The following CDH12 variants were observed in gnomAD, a reference collection of about 807,000 sequenced individuals.
CDH12 encodes the protein cadherin 12.
In CDH12, 41 loss-of-function variants were observed where a neutral mutation model predicts 74.1. The observed-to-expected ratio is 0.55, with a 90% CI of 0.43 to 0.72. The LOEUF (loss-of-function observed/expected upper bound fraction) is 0.72, where lower values mean the gene tolerates loss of function less well. CDH12 is among the 30% of genes least tolerant of loss of function. CDH12 has a pLI of 0.00. For synonymous variants in CDH12, 399 were observed against 355.0 expected (o/e 1.12, Z -1.39); for missense variants, 945 against 977.2 (o/e 0.97, Z 0.44).
intron 4 of CDH12, among the ~76,000 whole-genome samples, chr5:22,207,069 A>T (rs1476928108): frequency 5.3e-5 from 8 of 151,672 alleles, no homozygotes; most frequent in Non-Finnish European, 8.8e-5. Context: ...AAAAAAAAAA[A>T]TTAGCCGGTC....
intron 3 of CDH12, among the ~76,000 whole-genome samples, chr5:22,364,361 C>A (rs760804730): frequency 2.0e-5 from 3 of 151,948 alleles, no homozygotes; most frequent in Non-Finnish European, 2.9e-5. Flanking sequence ...TAAAAAGATG[C>A]CTAGGTGAAT....
At chr5:21,854,180 T>C (rs1231592035) in intron 7 of CDH12, among the ~76,000 whole-genome samples, 2 of 151,662 alleles carry the variant, frequency 1.3e-5, no homozygotes, top group East Asian at 3.9e-4. Context: ...AAATCAATGA[T>C]TTTGGTATTG....
chr5:22,287,460 C>T (rs1293135066), intron 3 of CDH12, among the ~76,000 whole-genome samples: 1 of 151,738 alleles, frequency 6.6e-6, no homozygotes, highest in Non-Finnish European at 1.5e-5. Flanking sequence ...CGCGGTGGCT[C>T]ACGCCTGTAA....
chr5:22,114,614 T>C (rs942759916), intron 4 of CDH12, among the ~76,000 whole-genome samples: 6 of 152,226 alleles, frequency 3.9e-5, no homozygotes, highest in Admixed American at 6.5e-5. Flanking sequence ...GTGTTATTTG[T>C]TGTTTTTAAA....
chr5:22,828,053 T>C (rs903047084), intron 1 of CDH12, among the ~76,000 whole-genome samples: 1 of 152,174 alleles, frequency 6.6e-6, no homozygotes, highest in Non-Finnish European at 1.5e-5. Context: ...TGGAGAAGAC[T>C]ACCGCATTTG....
intron 1 of CDH12, among the ~76,000 whole-genome samples, chr5:22,804,557 C>T (rs1748690038): frequency 6.6e-6 from 1 of 152,176 alleles, no homozygotes; most frequent in African/African-American, 2.4e-5. Flanking sequence ...CCTCTGGCAG[C>T]ATTTGATGCC....
In CDH12 at chr5:22,730,309, A is replaced by G. The variant is rs185148331; in HGVS notation, c.-523+122749T>C. 1.7e-4 allele frequency among the ~76,000 whole-genome samples: 26 copies of G among 151,972 alleles called. 1 individual carries two copies. Among genetic ancestry groups the G allele is most frequent in the Admixed American group, 1.4e-3 (22 of 15,200 alleles). On this transcript the variant is annotated intron_variant, in intron 1 of 14. Transcript: ENST00000382254. ...GATATTTAGAAAATAATTTAAGAGG[A>G]TAAGACCCAATCATGTCCAAAACAA...
At chr5:22,490,757 T>A (rs1321764879) in intron 2 of CDH12, among the ~76,000 whole-genome samples, 2 of 152,172 alleles carry the variant, frequency 1.3e-5, no homozygotes, top group Non-Finnish European at 1.5e-5. Context: ...ATTTAGTTGA[T>A]AAGTAAGTCT....
intron 5 of CDH12, among the ~76,000 whole-genome samples, chr5:22,034,227 G>A (rs907192116): frequency 6.6e-6 from 1 of 152,118 alleles, no homozygotes; most frequent in Non-Finnish European, 1.5e-5. Context: ...TAGAGACCAG[G>A]TTTTGCCATG....
chr5:22,390,668 G>T (rs935422606), intron 3 of CDH12, among the ~76,000 whole-genome samples: 7 of 151,868 alleles, frequency 4.6e-5, no homozygotes, highest in Admixed American at 2.6e-4. Flanking sequence ...TAACAAAATC[G>T]CATCTCTAGG....
intron 1 of CDH12, among the ~76,000 whole-genome samples, chr5:22,648,674 T>G (rs1202218493): frequency 1.3e-5 from 2 of 151,912 alleles, no homozygotes; most frequent in African/African-American, 4.8e-5. Flanking sequence ...CAAACATATG[T>G]TCATTATATT....
chr5:22,526,796 G>C (rs1377608521), intron 1 of CDH12, among the ~76,000 whole-genome samples: 1 of 152,118 alleles, frequency 6.6e-6, no homozygotes, highest in African/African-American at 2.4e-5. Flanking sequence ...AATTTTCCTA[G>C]GTAGAAGCAG....
At chr5:22,770,896 T>C (rs1746771480) in intron 1 of CDH12, among the ~76,000 whole-genome samples, 1 of 152,130 alleles carries the variant, frequency 6.6e-6, no homozygotes, top group Non-Finnish European at 1.5e-5. Context: ...TGAAAATGTC[T>C]CTGTTGGTAG....
chr5:22,580,554 G>A, intron 1 of CDH12: 4 of 474,778 alleles, frequency 8.4e-6, no homozygotes, highest in South Asian at 6.5e-5. Context: ...ATGCTCATCA[G>A]GGCTGTATGT....
rs956793695 is a variant in CDH12, at chr5:22,687,588, A to AT, written c.-523+165469dup. On this transcript the variant is annotated intron_variant, in intron 1 of 14. Coordinates refer to ENST00000382254, the MANE Select transcript of CDH12 (RefSeq NM_004061.5). Reference sequence around the variant, plus strand: ...AATGCCCAGGACATATATATTTTAAATTTTTTTGTAGCGATGGGGATTTTC... The same window carrying AT: ...AATGCCCAGGACATATATATTTTAAATTTTTTTTGTAGCGATGGGGATTTTC... Among the ~76,000 whole-genome samples the AT allele has an allele frequency of 1.9e-4, 29 of 151,832 alleles. 1 individual carries two copies. The highest frequency in any genetic ancestry group is 1.4e-3 in the Admixed American group (21 of 15,230).
chr5:22,619,390 T>G (rs1402829661), intron 1 of CDH12, among the ~76,000 whole-genome samples: 2 of 152,106 alleles, frequency 1.3e-5, no homozygotes, highest in African/African-American at 4.8e-5. Context: ...GCTGATTTTA[T>G]AGTAAACTAG....
At chr5:21,881,008 C>T (rs1311053739) in intron 6 of CDH12, among the ~76,000 whole-genome samples, 1 of 152,006 alleles carries the variant, frequency 6.6e-6, no homozygotes, top group African/African-American at 2.4e-5. Context: ...TCTTTAGCTA[C>T]CCCTCGGGGA....
intron 8 of CDH12, among the ~76,000 whole-genome samples, chr5:21,834,288 C>T (rs1255736496): frequency 2.0e-5 from 3 of 151,934 alleles, no homozygotes; most frequent in Admixed American, 1.3e-4. Context: ...CATAAACACA[C>T]ACAACATCAA....
At chr5:22,440,125 A>T (rs1744565779) in intron 2 of CDH12, among the ~76,000 whole-genome samples, 1 of 152,128 alleles carries the variant, frequency 6.6e-6, no homozygotes, top group Non-Finnish European at 1.5e-5. Flanking sequence ...CTTAACAATA[A>T]ACTAATCTAT....
Sources: gnomAD v4.1 joint callset for allele counts (sites outside exome capture counted in the v4.1 genomes callset) on GRCh38, gnomAD v4.1.1 for gene constraint, MANE v1.5 for transcripts, NCBI Gene and HGNC (gene_info 2026-07-23, HGNC 2026-07-21) for gene names.